The following SLC9A9 variants were observed in gnomAD, a reference collection of about 807,000 sequenced individuals.
SLC9A9 encodes the protein sodium/hydrogen exchanger 9.
SLC9A9 carries 62 observed loss-of-function variants against 77.8 expected under a neutral mutation model. That is an observed-to-expected ratio of 0.80 (90% CI 0.65 to 0.98). The LOEUF (loss-of-function observed/expected upper bound fraction) is 0.98, where lower values mean the gene tolerates loss of function less well. Among genes scored for constraint, SLC9A9 ranks in the 50% least tolerant of loss-of-function variants. The probability of loss-of-function intolerance (pLI) is 0.00; values close to 1 mark genes in which losing one functional copy is unlikely to be tolerated. For synonymous variants in SLC9A9, 320 were observed against 283.5 expected (o/e 1.13, Z -1.29); for missense variants, 775 against 774.9 (o/e 1.00, Z 0.00).
intron 13 of SLC9A9, 151 bp downstream of exon 13, chr3:143,381,909 C>T (rs2108498417): frequency 1.1e-6 from 1 of 900,310 alleles, no homozygotes; most frequent in South Asian, 1.4e-5. Flanking sequence ...CCTGAATTCC[C>T]TTGTATTTTA....
At chr3:143,639,455 T>G (rs564223266) in intron 6 of SLC9A9, among the ~76,000 whole-genome samples, 1 of 152,240 alleles carries the variant, frequency 6.6e-6, no homozygotes, top group East Asian at 1.9e-4. Context: ...GACCAGATAT[T>G]AAAGGACATT....
intron 14 of SLC9A9, among the ~76,000 whole-genome samples, chr3:143,310,735 A>G (rs1490396627): frequency 6.6e-6 from 1 of 152,214 alleles, no homozygotes; most frequent in Non-Finnish European, 1.5e-5. Flanking sequence ...GAGGGCAGTG[A>G]TGAGAACTGC....
chr3:143,303,128 G>T (rs1393077113), intron 14 of SLC9A9, among the ~76,000 whole-genome samples: 1 of 152,204 alleles, frequency 6.6e-6, no homozygotes, highest in African/African-American at 2.4e-5. Flanking sequence ...TACTCCTCCA[G>T]GGCCACTGCC....
chr3:143,587,150 G>A (rs886069378), intron 6 of SLC9A9, among the ~76,000 whole-genome samples: 4 of 152,158 alleles, frequency 2.6e-5, no homozygotes, highest in African/African-American at 4.8e-5. Flanking sequence ...CGGGAATAAC[G>A]CAATCTCAGG....
chr3:143,512,864 G>C (rs1348931357), intron 9 of SLC9A9, among the ~76,000 whole-genome samples: 2 of 152,198 alleles, frequency 1.3e-5, no homozygotes, highest in East Asian at 3.8e-4. Flanking sequence ...GACAGAGCGA[G>C]ACTCTGTCTC....
Position 143,848,350 on chromosome 3 carries a change from T to C in SLC9A9, c.-28A>G. 6.2e-7 allele frequency: 1 copy of C among 1,613,704 alleles called. No homozygotes were observed. Among genetic ancestry groups the C allele is most frequent in the South Asian group, 1.1e-5 (1 of 91,080 alleles). ...CCCAGTCTTCTTGGGATTCCTTAGATAAAAACCTGGATAAAGGCTATTTTA... is the reference window on the plus strand; with the variant it reads ...CCCAGTCTTCTTGGGATTCCTTAGACAAAAACCTGGATAAAGGCTATTTTA... On this transcript the variant is annotated 5_prime_UTR_variant, in exon 1 of 16. Coordinates refer to ENST00000316549, the MANE Select transcript of SLC9A9 (RefSeq NM_173653.4).
intron 12 of SLC9A9, among the ~76,000 whole-genome samples, chr3:143,411,831 G>A (rs1476266371): frequency 6.6e-6 from 1 of 151,912 alleles, no homozygotes. Context: ...CTCAATACCT[G>A]TACAGGTCTG....
chr3:143,381,674 G>T (rs574699274), intron 13 of SLC9A9, among the ~76,000 whole-genome samples: 115 of 152,326 alleles, frequency 7.5e-4, no homozygotes, highest in Non-Finnish European at 1.6e-3. Context: ...CTATCCAGGA[G>T]AAATAAGTCA....
intron 4 of SLC9A9, among the ~76,000 whole-genome samples, chr3:143,702,423 CAAAGTT>C (rs1933829404): frequency 6.6e-6 from 1 of 151,814 alleles, no homozygotes. Context: ...AACAGGAGGA[CAAAGTT>C]AAAGTGTAGA....
chr3:143,339,155 C>G (rs1171632945), intron 14 of SLC9A9, among the ~76,000 whole-genome samples: 1 of 152,184 alleles, frequency 6.6e-6, no homozygotes, highest in African/African-American at 2.4e-5. Flanking sequence ...CCACCTGCCA[C>G]CAATGGTGGC....
At chr3:143,635,765 G>C (rs71307949) in intron 6 of SLC9A9, among the ~76,000 whole-genome samples, 1,961 of 152,262 alleles carry the variant, frequency 0.013, 38 homozygotes, top group Non-Finnish European at 0.016. Context: ...CCTTTCAGTA[G>C]TATGATGTGC....
intron 11 of SLC9A9, among the ~76,000 whole-genome samples, chr3:143,492,286 C>T (rs1307559819): frequency 2.1e-5 from 3 of 142,352 alleles, no homozygotes; most frequent in Admixed American, 7.1e-5. Flanking sequence ...AGCGAGACTC[C>T]GTCTCAAAAA....
chr3:143,608,464 G>C (rs1317726330), intron 6 of SLC9A9, among the ~76,000 whole-genome samples: 2 of 152,198 alleles, frequency 1.3e-5, no homozygotes, highest in African/African-American at 4.8e-5. Flanking sequence ...AGCAACAGGT[G>C]AAGAGTCACA....
intron 8 of SLC9A9, among the ~76,000 whole-genome samples, chr3:143,568,555 A>T (rs1168161218): frequency 2.6e-5 from 4 of 152,178 alleles, no homozygotes; most frequent in Non-Finnish European, 5.9e-5. Context: ...TGACGTATGG[A>T]TCTGCTGTGA....
chr3:143,314,835 G>A (rs1328665082), intron 14 of SLC9A9, among the ~76,000 whole-genome samples: 2 of 152,218 alleles, frequency 1.3e-5, no homozygotes, highest in Admixed American at 1.3e-4. Flanking sequence ...GCCTGGCTCT[G>A]CTTTGGGGCA....
At chr3:143,522,839 G>A (rs2036335932) in intron 9 of SLC9A9, among the ~76,000 whole-genome samples, 1 of 152,104 alleles carries the variant, frequency 6.6e-6, no homozygotes, top group Non-Finnish European at 1.5e-5. Flanking sequence ...GAGGAAATAT[G>A]CTAAAAATTC....
intron 4 of SLC9A9, among the ~76,000 whole-genome samples, chr3:143,793,135 C>G (rs1275883790): frequency 6.6e-6 from 1 of 152,088 alleles, no homozygotes; most frequent in East Asian, 1.9e-4. Context: ...AGTTGTTGGA[C>G]AACCAACAAT....
chr3:143,587,182 A>G (rs2037555115), intron 6 of SLC9A9, among the ~76,000 whole-genome samples: 1 of 152,254 alleles, frequency 6.6e-6, no homozygotes, highest in Non-Finnish European at 1.5e-5. Context: ...GATTCATTCC[A>G]TCCACAAATA....
chr3:143,398,232 A>C (rs567455153), intron 12 of SLC9A9, among the ~76,000 whole-genome samples: 1 of 152,318 alleles, frequency 6.6e-6, no homozygotes, highest in African/African-American at 2.4e-5. Flanking sequence ...TCCTTAGCAC[A>C]GGATAAAGCT....
Sources: gnomAD v4.1 joint callset for allele counts (sites outside exome capture counted in the v4.1 genomes callset) on GRCh38, gnomAD v4.1.1 for gene constraint, MANE v1.5 for transcripts, NCBI Gene and HGNC (gene_info 2026-07-23, HGNC 2026-07-21) for gene names.